EIF4G3: variants seen among roughly 807,000 people sequenced by gnomAD.
The protein encoded by EIF4G3 is eIF-4-gamma 3.
In EIF4G3, 34 loss-of-function variants were observed where a neutral mutation model predicts 186.4. The observed-to-expected ratio is 0.18, with a 90% CI of 0.14 to 0.24. EIF4G3 has a LOEUF of 0.24. EIF4G3 is among the 10% of genes least tolerant of loss of function. EIF4G3 has a pLI of 1.00. For missense variants in EIF4G3, 1,536 were observed against 1,948.5 expected, an observed-to-expected ratio of 0.79 and a Z score of 3.99; for synonymous variants, 673 against 679.5, an observed-to-expected ratio of 0.99 and a Z score of 0.15.
At chr1:21,134,004 A>G (rs1054472068) in intron 2 of EIF4G3, among the ~76,000 whole-genome samples, 15 of 152,222 alleles carry the variant, frequency 9.9e-5, no homozygotes, top group Admixed American at 2.6e-4. Flanking sequence ...TGCTGCTTCT[A>G]TGCTTACGCC....
intron 2 of EIF4G3, among the ~76,000 whole-genome samples, chr1:21,167,712 C>T (rs1330841327): frequency 2.6e-5 from 4 of 151,992 alleles, no homozygotes; most frequent in Admixed American, 2.6e-4. Context: ...GAGCCAAGAT[C>T]ACAACACTGC....
At chr1:21,039,744 T>C (rs1211496452) in intron 4 of EIF4G3, among the ~76,000 whole-genome samples, 1 of 152,078 alleles carries the variant, frequency 6.6e-6, no homozygotes, top group African/African-American at 2.4e-5. Flanking sequence ...GGATAAAATA[T>C]ATATAAATCA....
intron 12 of EIF4G3, among the ~76,000 whole-genome samples, chr1:20,952,979 A>G (rs2096280534): frequency 6.6e-6 from 1 of 152,248 alleles, no homozygotes; most frequent in South Asian, 2.1e-4. Flanking sequence ...GAAACATACC[A>G]AGTACTGTGA....
At chr1:21,008,111 A>C in intron 4 of EIF4G3, among the ~76,000 whole-genome samples, 1 of 152,178 alleles carries the variant, frequency 6.6e-6, no homozygotes, top group East Asian at 1.9e-4. Flanking sequence ...ACTGTACTTC[A>C]GCCTGGGCGA....
rs908559456 is a variant in EIF4G3, at chr1:20,994,682, C to T, written c.177+2919G>A. ...CTCACTCTTTCACCCAGGCTGAGTACAGTGGCACAATCACACCTCACTGCA... is the reference window on the plus strand; with the variant it reads ...CTCACTCTTTCACCCAGGCTGAGTATAGTGGCACAATCACACCTCACTGCA... On this transcript the variant is annotated intron_variant, in intron 7 of 36. Coordinates refer to ENST00000602326, the MANE Select transcript of EIF4G3 (RefSeq NM_001391906.1). Among the ~76,000 whole-genome samples, 4 of 139,196 alleles carry T rather than the reference C, an allele frequency of 2.9e-5. No individual in the cohort carries two copies. In the East Asian group the frequency reaches 8.2e-4, roughly 29 times the overall value. 91.3% of individuals were successfully genotyped at this position (139,196 alleles called of 152,430 possible).
intron 34 of EIF4G3, among the ~76,000 whole-genome samples, chr1:20,816,145 A>G (rs1325625530): frequency 8.3e-5 from 8 of 96,590 alleles, no homozygotes; most frequent in African/African-American, 1.7e-4. Context: ...CCGGGAGGTG[A>G]GGGGCGCCTC....
intron 32 of EIF4G3, among the ~76,000 whole-genome samples, chr1:20,826,141 A>G (rs1417054496): frequency 6.6e-6 from 1 of 152,152 alleles, no homozygotes; most frequent in Admixed American, 6.5e-5. Context: ...CTACACATCA[A>G]AGTTAATAAG....
At chr1:21,062,347 A>G (rs2094960807) in intron 3 of EIF4G3, among the ~76,000 whole-genome samples, 2 of 152,294 alleles carry the variant, frequency 1.3e-5, no homozygotes, top group African/African-American at 4.8e-5. Context: ...GGCATGAGCC[A>G]CTACTCCTAG....
chr1:21,031,320 A>G (rs2092721488), intron 4 of EIF4G3, among the ~76,000 whole-genome samples: 1 of 151,440 alleles, frequency 6.6e-6, no homozygotes, highest in African/African-American at 2.4e-5. Context: ...AAAGTAAATT[A>G]TGAGCCAGAC....
chr1:21,065,272 T>G (rs1361555479), intron 3 of EIF4G3, among the ~76,000 whole-genome samples: 1 of 151,974 alleles, frequency 6.6e-6, no homozygotes, highest in Non-Finnish European at 1.5e-5. Flanking sequence ...ATTCTGAGGC[T>G]GAGTCACGAA....
intron 20 of EIF4G3, among the ~76,000 whole-genome samples, chr1:20,870,498 T>C (rs1263094600): frequency 6.6e-6 from 1 of 152,126 alleles, no homozygotes; most frequent in African/African-American, 2.4e-5. Flanking sequence ...CTCACAACTA[T>C]TACCTGCCAA....
intron 14 of EIF4G3, among the ~76,000 whole-genome samples, chr1:20,919,139 T>C (rs1401130144): frequency 6.6e-6 from 1 of 152,248 alleles, no homozygotes; most frequent in African/African-American, 2.4e-5. Flanking sequence ...GACAGGTATT[T>C]TCCTACAGAC....
At chr1:20,978,362 A>G (rs2077276780) in intron 10 of EIF4G3, among the ~76,000 whole-genome samples, 1 of 152,212 alleles carries the variant, frequency 6.6e-6, no homozygotes, top group African/African-American at 2.4e-5. Context: ...CAAATTTCAT[A>G]GTAATGATAC....
In EIF4G3 at chr1:20,941,876, C is replaced by G; in HGVS notation, c.1278G>C (p.Glu426Asp). 6.2e-7 allele frequency: 1 copy of G among 1,614,168 alleles called. No individual in the cohort carries two copies. Among genetic ancestry groups the G allele is most frequent in the South Asian group, 1.1e-5 (1 of 91,080 alleles). Reference protein sequence around the residue: ...NGVSEKLSATESIVEIVKQEV... With the variant: ...NGVSEKLSATDSIVEIVKQEV... ...CCTGTTTTACTATTTCCACAATGCTCTCCGTGGCTGATAATTTTTCGCTAA... is the reference window on the plus strand; with the variant it reads ...CCTGTTTTACTATTTCCACAATGCTGTCCGTGGCTGATAATTTTTCGCTAA... Residue 426 changes from glutamate to aspartate, a missense_variant, in exon 14 of 37, where the codon GAG (glutamate) becomes GAC (aspartate). Around this residue, in one of 11 missense-constraint regions of EIF4G3, gnomAD observed 560 missense variants for 547.8 expected, o/e 1.02. Coordinates refer to ENST00000602326, the MANE Select transcript of EIF4G3 (RefSeq NM_001391906.1).
chr1:21,092,775 G>C (rs2096247069), intron 2 of EIF4G3, among the ~76,000 whole-genome samples: 1 of 152,100 alleles, frequency 6.6e-6, no homozygotes, highest in South Asian at 2.1e-4. Context: ...GAACAGAACA[G>C]AGCCCTCAGA....
At chr1:20,868,365 C>A (rs1039068915) in intron 20 of EIF4G3, among the ~76,000 whole-genome samples, 2 of 152,064 alleles carry the variant, frequency 1.3e-5, no homozygotes, top group Non-Finnish European at 2.9e-5. Flanking sequence ...TGAGGACCCT[C>A]TTCCTGGCTC....
Position 20,980,362 on chromosome 1 carries a change from T to TG in EIF4G3, c.464dup (p.Gly156ArgfsTer53). Reference sequence around the variant, plus strand: ...AAGCATTGGGGAAGTCCCCAGGTCCTGGTCCAGGATAAAAAGGACCTGGCC... The same window carrying TG: ...AAGCATTGGGGAAGTCCCCAGGTCCTGGGTCCAGGATAAAAAGGACCTGGCC... On this transcript the variant is annotated frameshift_variant, in exon 10 of 37. Coordinates refer to ENST00000602326, the MANE Select transcript of EIF4G3 (RefSeq NM_001391906.1). LOFTEE classifies it high-confidence loss of function. 6.4e-7 allele frequency: 1 copy of TG among 1,550,564 alleles called. No individual in the cohort carries two copies. Among genetic ancestry groups the TG allele is most frequent in the South Asian group, 1.2e-5 (1 of 81,024 alleles).
At chr1:21,110,340 G>A (rs1281562314) in intron 2 of EIF4G3, among the ~76,000 whole-genome samples, 1 of 151,450 alleles carries the variant, frequency 6.6e-6, no homozygotes, top group Non-Finnish European at 1.5e-5. Flanking sequence ...CTGTTGCCTA[G>A]GCTGGAGTGC....
At chr1:20,887,392 T>C (rs975510885) in intron 18 of EIF4G3, among the ~76,000 whole-genome samples, 1 of 152,144 alleles carries the variant, frequency 6.6e-6, no homozygotes, top group African/African-American at 2.4e-5. Flanking sequence ...GACTTTAATG[T>C]CATTCATTAC....
Sources: gnomAD v4.1 joint callset for allele counts (sites outside exome capture counted in the v4.1 genomes callset) on GRCh38, gnomAD v4.1.1 for gene constraint, gnomAD v4.1.1 regional missense constraint, MANE v1.5 for transcripts, NCBI Gene and HGNC (gene_info 2026-07-23, HGNC 2026-07-21) for gene names.